The following CCSER1 variants were observed in gnomAD, a reference collection of about 807,000 sequenced individuals.
The protein encoded by CCSER1 is coiled-coil serine rich protein 1.
Under a neutral mutation model 82.0 loss-of-function variants are expected in CCSER1, and 41 were observed. The ratio of observed to expected loss-of-function variants is 0.50; its 90% CI spans 0.39 to 0.65. The LOEUF (loss-of-function observed/expected upper bound fraction) is 0.65. Among genes scored for constraint, CCSER1 ranks in the 30% least tolerant of loss-of-function variants. The pLI is 0.00. For synonymous variants in CCSER1, 414 were observed against 383.9 expected (o/e 1.08, Z -0.92); for missense variants, 1,119 against 1,064.2 (o/e 1.05, Z -0.72).
At chr4:90,190,639 T>G (rs908487007) in intron 1 of CCSER1, among the ~76,000 whole-genome samples, 2 of 152,264 alleles carry the variant, frequency 1.3e-5, no homozygotes, top group South Asian at 4.1e-4. Flanking sequence ...CTTGGCCACT[T>G]GTTCCCAGAC....
chr4:90,188,302 A>G (rs566091051), intron 1 of CCSER1, among the ~76,000 whole-genome samples: 2 of 151,992 alleles, frequency 1.3e-5, no homozygotes, highest in East Asian at 3.9e-4. Flanking sequence ...AAAAAAATAT[A>G]TAGTAGCAGT....
At chr4:91,121,004 GA>G (rs1437111089) in intron 10 of CCSER1, among the ~76,000 whole-genome samples, 1 of 151,790 alleles carries the variant, frequency 6.6e-6, no homozygotes, top group Non-Finnish European at 1.5e-5. Flanking sequence ...TTCTGATTTG[GA>G]AAAGGGTCAT....
intron 1 of CCSER1, among the ~76,000 whole-genome samples, chr4:90,265,798 T>A (rs1230396224): frequency 6.6e-6 from 1 of 152,172 alleles, no homozygotes; most frequent in Non-Finnish European, 1.5e-5. Flanking sequence ...TTGTATTTCA[T>A]TTTCTTGATT....
chr4:90,503,425 A>G (rs1456315025), intron 5 of CCSER1, among the ~76,000 whole-genome samples: 3 of 152,090 alleles, frequency 2.0e-5, no homozygotes, highest in Non-Finnish European at 4.4e-5. Context: ...TCTTTTTTTA[A>G]TTATACTTTA....
chr4:90,350,305 G>A (rs759614098), intron 3 of CCSER1, among the ~76,000 whole-genome samples: 21 of 152,018 alleles, frequency 1.4e-4, no homozygotes, highest in Non-Finnish European at 2.4e-4. Context: ...AGAGAATCAT[G>A]GGAAAATTTT....
chr4:91,125,047 T>C (rs1727387197), intron 10 of CCSER1, among the ~76,000 whole-genome samples: 1 of 151,766 alleles, frequency 6.6e-6, no homozygotes, highest in Non-Finnish European at 1.5e-5. Flanking sequence ...AAAATATACA[T>C]AGAAATAAAT....
intron 10 of CCSER1, among the ~76,000 whole-genome samples, chr4:91,187,596 T>C (rs1734668256): frequency 6.6e-6 from 1 of 152,066 alleles, no homozygotes. Context: ...TTATCGCCCA[T>C]GCTGGAGTGC....
At chr4:91,552,149 AC>A (rs137894477) in intron 10 of CCSER1, among the ~76,000 whole-genome samples, 13,961 of 151,786 alleles carry the variant, frequency 0.092, 839 homozygotes, top group Middle Eastern at 0.13. Context: ...AGATGGCTAA[AC>A]TACCCTCAAA....
chr4:91,411,571 C>T (rs1753055890), intron 10 of CCSER1, among the ~76,000 whole-genome samples: 1 of 131,208 alleles, frequency 7.6e-6, no homozygotes, highest in African/African-American at 2.9e-5. Context: ...TTCCCATTTT[C>T]TGTGACCTAA....
At chr4:90,974,452 T>TG (rs1385535187) in intron 9 of CCSER1, among the ~76,000 whole-genome samples, 3 of 150,812 alleles carry the variant, frequency 2.0e-5, no homozygotes, top group Non-Finnish European at 3.0e-5. Context: ...GAATTGTGCT[T>TG]GAAAAAAAAG....
At chr4:91,291,434 G>A (rs1743735132) in intron 10 of CCSER1, among the ~76,000 whole-genome samples, 1 of 152,006 alleles carries the variant, frequency 6.6e-6, no homozygotes. Context: ...AAAGAAAAGA[G>A]GTTTAATTGG....
chr4:91,455,604 T>G (rs1276892061), intron 10 of CCSER1, among the ~76,000 whole-genome samples: 1 of 151,916 alleles, frequency 6.6e-6, no homozygotes, highest in Non-Finnish European at 1.5e-5. Context: ...TAGATTTCTG[T>G]TTTTCATATA....
chr4:90,771,102 A>G (rs759336060), intron 7 of CCSER1, among the ~76,000 whole-genome samples: 5 of 152,108 alleles, frequency 3.3e-5, no homozygotes, highest in Non-Finnish European at 2.9e-5. Flanking sequence ...ATGGAATTTA[A>G]TGCATTGTTG....
At chr4:91,146,262 A>T (rs964858613) in intron 10 of CCSER1, among the ~76,000 whole-genome samples, 2 of 152,226 alleles carry the variant, frequency 1.3e-5, no homozygotes. Context: ...TGAATTTTTC[A>T]ATTCCAGAAT....
chr4:90,508,492 A>G (rs772676959), intron 5 of CCSER1, among the ~76,000 whole-genome samples: 1 of 152,030 alleles, frequency 6.6e-6, no homozygotes. Context: ...TTCTCTACAT[A>G]GGAATCCTCC....
intron 1 of CCSER1, among the ~76,000 whole-genome samples, chr4:90,225,231 ATTTTTTTTTTT>A (rs57188209): frequency 9.8e-5 from 11 of 111,856 alleles, no homozygotes; most frequent in Non-Finnish European, 7.2e-5. Flanking sequence ...TACCCGGCTA[ATTTTTTTTTTT>A]TTTTTTTTTT....
At chr4:90,620,512 T>A (rs1722108907) in intron 5 of CCSER1, among the ~76,000 whole-genome samples, 1 of 152,200 alleles carries the variant, frequency 6.6e-6, no homozygotes, top group Non-Finnish European at 1.5e-5. Context: ...GAAACACAAG[T>A]ACTGTCCCTG....
chr4:91,461,303 A>C (rs1756485884), intron 10 of CCSER1, among the ~76,000 whole-genome samples: 2 of 152,206 alleles, frequency 1.3e-5, no homozygotes, highest in African/African-American at 4.8e-5. Flanking sequence ...GTAGTATCTC[A>C]TTAATCTCCA....
intron 3 of CCSER1, chr4:90,325,684 A>C (rs913417855): frequency 1.1e-5 from 5 of 441,582 alleles, no homozygotes; most frequent in Admixed American, 9.5e-5. Flanking sequence ...ACCTGTTCTG[A>C]GGTGACAGTC....
Sources: gnomAD v4.1 joint callset for allele counts (sites outside exome capture counted in the v4.1 genomes callset) on GRCh38, gnomAD v4.1.1 for gene constraint, MANE v1.5 for transcripts, NCBI Gene and HGNC (gene_info 2026-07-23, HGNC 2026-07-21) for gene names.